Variants in TSPAN4 observed in about 807,000 individuals in gnomAD.
The protein encoded by TSPAN4 is tetraspanin 4, also known as tetraspanin-4.
TSPAN4 carries 38 observed loss-of-function variants against 31.5 expected under a neutral mutation model. That is an observed-to-expected ratio of 1.21 (90% CI 0.93 to 1.58). The LOEUF is 1.58. Ranked by LOEUF, TSPAN4 falls within the 40% of genes most tolerant of loss-of-function variation. The pLI is 0.00. For synonymous variants in TSPAN4, 186 were observed against 144.6 expected (o/e 1.29, Z -2.06); for missense variants, 330 against 317.3 (o/e 1.04, Z -0.30).
At chr11:850,610 C>CCCTCT (rs147749431) in intron 3 of TSPAN4, among the ~76,000 whole-genome samples, 11,183 of 152,124 alleles carry the variant, frequency 0.074, 529 homozygotes, top group East Asian at 0.25. Flanking sequence ...CGCCCTGGTC[C>CCCTCT]CCTCTCCTCT....
At chr11:849,631 T>TG (rs963567143) in intron 2 of TSPAN4, among the ~76,000 whole-genome samples, 6 of 150,022 alleles carry the variant, frequency 4.0e-5, no homozygotes, top group Admixed American at 6.6e-5. Context: ...CGCGCGAAGG[T>TG]GGGGGGGCTG....
At chr11:853,101 G>A (rs539314931) in intron 3 of TSPAN4, among the ~76,000 whole-genome samples, 31 of 152,008 alleles carry the variant, frequency 2.0e-4, no homozygotes, top group Non-Finnish European at 3.8e-4. Flanking sequence ...GTACAGGTGC[G>A]GCCAGGGCAC....
At position 848,393 on chromosome 11, in the gene TSPAN4, C is replaced by A. The variant is rs889460312; in HGVS notation, c.-18+1093C>A. On this transcript the variant is annotated intron_variant, in intron 2 of 8. Coordinates refer to ENST00000397397, the MANE Select transcript of TSPAN4 (RefSeq NM_003271.5). This position sits in a 1 kb window ranked among gnomAD's most constrained non-coding sequence, Gnocchi z 5.7. ...AGGCCAGCCTCCTGTTCTCTGGGGG[C>A]CCCCTGTCCCCTTCCCCCAGCGAGG... Among the ~76,000 whole-genome samples, 1 of 152,186 alleles carries A rather than the reference C, an allele frequency of 6.6e-6. No individual in the cohort carries two copies. The highest frequency in any genetic ancestry group is 1.5e-5 in the Non-Finnish European group (1 of 68,012).
At chr11:852,884 G>T (rs1235450882) in intron 3 of TSPAN4, among the ~76,000 whole-genome samples, 1 of 102,966 alleles carries the variant, frequency 9.7e-6, no homozygotes, top group East Asian at 2.7e-4. Flanking sequence ...CAAGATCCCC[G>T]CGTGTGTCTG....
In TSPAN4 at chr11:848,562, C is replaced by T. The variant is rs966290814; in HGVS notation, c.-18+1262C>T. ...CCTCCCTGGGCACCCGGGGCTTCCACGGCAGCCCTCCCCAGACCTGCCACC... is the reference window on the plus strand; with the variant it reads ...CCTCCCTGGGCACCCGGGGCTTCCATGGCAGCCCTCCCCAGACCTGCCACC... On this transcript the variant is annotated intron_variant, in intron 2 of 8. Coordinates refer to ENST00000397397, the MANE Select transcript of TSPAN4 (RefSeq NM_003271.5). The surrounding 1 kb of genome is among the most constrained non-coding windows in gnomAD (Gnocchi z 5.7). 2.6e-5 allele frequency among the ~76,000 whole-genome samples: 4 copies of T among 152,146 alleles called. No individual in the cohort carries two copies. Among genetic ancestry groups the T allele is most frequent in the African/African-American group, 7.2e-5 (3 of 41,430 alleles).
At chr11:844,306 A>T (rs986125792) in intron 1 of TSPAN4, 3 of 151,768 alleles carry the variant, frequency 2.0e-5, no homozygotes, top group African/African-American at 7.3e-5. Context: ...TGCCTGCAGG[A>T]GTTGTTTACT....
chr11:858,907 C>G (rs1020947779), intron 3 of TSPAN4, among the ~76,000 whole-genome samples: 1 of 136,142 alleles, frequency 7.3e-6, no homozygotes, highest in African/African-American at 2.8e-5. Flanking sequence ...CCCGCTCACA[C>G]GCACCCCAGC....
At chr11:861,297 C>T (rs72847239) in intron 3 of TSPAN4, among the ~76,000 whole-genome samples, 2,593 of 152,368 alleles carry the variant, frequency 0.017, 27 homozygotes, top group Non-Finnish European at 0.027. Context: ...GCTTTGTTCC[C>T]ACCAGTGCCC....
rs762390076 is a variant in TSPAN4, at chr11:865,575, C to T, written c.393C>T (p.Asn131=). 99 of 1,612,678 alleles carry T rather than the reference C, an allele frequency of 6.1e-5. No homozygotes were observed. Among genetic ancestry groups the T allele is most frequent in the Admixed American group, 8.3e-5 (5 of 59,988 alleles). The change falls in exon 6 of 9, where the codon AAC becomes AAT. Residue 131 remains asparagine, a synonymous_variant. Coordinates refer to ENST00000397397, the MANE Select transcript of TSPAN4 (RefSeq NM_003271.5). ...TGCACCTGTACGGCACGCAGGGCAA[C>T]GTGGGCCTCACCAACGCCTGGAGCA... is the stretch of plus-strand genomic sequence containing the variant. ...KGLHLYGTQG[N]VGLTNAWSII...
chr11:852,115 T>C (rs1360090366), intron 3 of TSPAN4, among the ~76,000 whole-genome samples: 3 of 152,118 alleles, frequency 2.0e-5, no homozygotes, highest in Non-Finnish European at 2.9e-5. Context: ...GGCTGGAAAA[T>C]GCAATTCTCT....
In TSPAN4 at chr11:850,297, G is replaced by A. The variant is rs759434955; in HGVS notation, c.-8G>A. The A allele has an allele frequency of 1.2e-5, 19 of 1,606,592 alleles. No individual in the cohort carries two copies. Among genetic ancestry groups the A allele is most frequent in the Non-Finnish European group, 1.6e-5 (19 of 1,178,224 alleles). ...TTCATCTTCCTCCTAGAACTGAAGC[G>A]CTGCGGCATGGCGCGCGCCTGCCTC... On this transcript the variant is annotated 5_prime_UTR_variant, in exon 3 of 9. Transcript: ENST00000397397.
At chr11:843,436 G>C (rs1302310423) in intron 1 of TSPAN4, 1 of 152,266 alleles carries the variant, frequency 6.6e-6, no homozygotes, top group Non-Finnish European at 1.5e-5. Flanking sequence ...AGGGAGGTCG[G>C]GGAGGGAGTC....
At chr11:849,017 G>T in intron 2 of TSPAN4, 1 of 597,096 alleles carries the variant, frequency 1.7e-6, no homozygotes, top group Non-Finnish European at 3.1e-6. Context: ...GAAATTCTGG[G>T]CCCCTTGTTT....
In TSPAN4 at chr11:862,742, G is replaced by A; in HGVS notation, c.255+1G>A. 2 of 1,608,462 alleles carry A rather than the reference G, an allele frequency of 1.2e-6. No individual in the cohort carries two copies. The highest frequency in any genetic ancestry group is 1.1e-5 in the South Asian group (1 of 90,464). ...GGAGAACAAGTGCCTCCTGCTCACT[G>A]TGAGTGCCGGGGCCCAAGCGATGCT... On this transcript the variant is annotated splice_donor_variant, in intron 4 of 8. Coordinates refer to ENST00000397397, the MANE Select transcript of TSPAN4 (RefSeq NM_003271.5). LOFTEE classifies it high-confidence loss of function.
At chr11:856,970 CA>C (rs1260040379) in intron 3 of TSPAN4, 1 of 152,250 alleles carries the variant, frequency 6.6e-6, no homozygotes, top group East Asian at 1.9e-4. Flanking sequence ...CGGGGGACGC[CA>C]GGTTGCAGGG....
intron 1 of TSPAN4, chr11:843,496 ATC>A (rs1847094707): frequency 6.6e-6 from 1 of 152,130 alleles, no homozygotes; most frequent in African/African-American, 2.4e-5. Context: ...GGCACAGGGG[ATC>A]CCTGGGCAGA....
intron 3 of TSPAN4, among the ~76,000 whole-genome samples, chr11:851,368 C>T (rs1275432565): frequency 1.3e-5 from 2 of 152,200 alleles, no homozygotes; most frequent in African/African-American, 2.4e-5. Flanking sequence ...GGGGTGTGGC[C>T]TCAGCTCCTG....
At chr11:847,928 G>A (rs1206926480) in intron 2 of TSPAN4, among the ~76,000 whole-genome samples, 6 of 152,198 alleles carry the variant, frequency 3.9e-5, no homozygotes, top group South Asian at 4.1e-4. Context: ...GCCTGGCGGC[G>A]GATGCTCTCC....
chr11:864,726 C>G (rs1316744998), intron 5 of TSPAN4: 2 of 619,686 alleles, frequency 3.2e-6, no homozygotes, highest in South Asian at 3.8e-5. Context: ...CACAAGGGCA[C>G]TGCTACCCCA....
Sources: allele counts gnomAD v4.1 joint callset (sites outside exome capture counted in the v4.1 genomes callset), GRCh38; gene constraint gnomAD v4.1.1; non-coding constraint Gnocchi (gnomAD v3.1); transcripts MANE v1.5; gene names NCBI Gene and HGNC (gene_info 2026-07-23, HGNC 2026-07-21).